R3HDM2: variants seen among roughly 807,000 people sequenced by gnomAD.
The protein encoded by R3HDM2 is R3H domain containing 2.
A neutral mutation model predicts 124.5 loss-of-function variants in R3HDM2; 38 were observed. That is an observed-to-expected ratio of 0.31 (90% CI 0.24 to 0.40). R3HDM2 has a LOEUF of 0.40. Among genes scored for constraint, R3HDM2 ranks in the 10% least tolerant of loss-of-function variants. The probability of loss-of-function intolerance (pLI) is 1.00; values close to 1 mark genes in which losing one functional copy is unlikely to be tolerated. For missense variants in R3HDM2, 869 were observed against 1,236.9 expected, an observed-to-expected ratio of 0.70 and a Z score of 4.46; for synonymous variants, 391 against 448.0, an observed-to-expected ratio of 0.87 and a Z score of 1.61.
intron 2 of R3HDM2, among the ~76,000 whole-genome samples, chr12:57,355,301 CA>C (rs918134837): frequency 1.3e-5 from 2 of 149,704 alleles, no homozygotes; most frequent in Non-Finnish European, 3.0e-5. Context: ...ACTAAAAATA[CA>C]AAAAAAATTA....
chr12:57,298,577 AT>A (rs2050394072), intron 6 of R3HDM2, among the ~76,000 whole-genome samples: 1 of 151,930 alleles, frequency 6.6e-6, no homozygotes, highest in Admixed American at 6.6e-5. Context: ...ATCAATTATC[AT>A]TTTTATGGAC....
At chr12:57,352,489 A>C (rs1362521145) in intron 2 of R3HDM2, among the ~76,000 whole-genome samples, 1 of 149,584 alleles carries the variant, frequency 6.7e-6, no homozygotes, top group African/African-American at 2.5e-5. Context: ...CACTAGGCAA[A>C]CGCTTTTTTT....
Position 57,348,725 on chromosome 12 carries a change from A to AAAAAAAAAAAAAG in R3HDM2, c.-35-38263_-35-38262insCTTTTTTTTTTTT, listed in dbSNP as rs2060337872. Among the ~76,000 whole-genome samples, 4 of 9,388 alleles carry AAAAAAAAAAAAAG rather than the reference A, an allele frequency of 4.3e-4. No individual in the cohort carries two copies. The Admixed American group carries it at 5.8e-3, about 14-fold the overall frequency. The allele number at this position is 9,388 out of a possible 152,430, so 6.2% of individuals were successfully genotyped here. On this transcript the variant is annotated intron_variant, in intron 2 of 23. Transcript: ENST00000402412. ...AAAAAAAAAAAAAAAAAAAAAAGAG[A>AAAAAAAAAAAAAG]GAGAAAAATTAGCCAGGCATGGTGG...
chr12:57,394,464 C>T (rs1164423203), intron 2 of R3HDM2, among the ~76,000 whole-genome samples: 2 of 152,002 alleles, frequency 1.3e-5, no homozygotes, highest in African/African-American at 4.8e-5. Flanking sequence ...TCCAGCTACT[C>T]GGGAGGCCAA....
intron 2 of R3HDM2, among the ~76,000 whole-genome samples, chr12:57,322,807 T>C (rs2056658712): frequency 6.6e-6 from 1 of 152,134 alleles, no homozygotes; most frequent in African/African-American, 2.4e-5. Flanking sequence ...GTTAAAGTCC[T>C]AGGTGTTCCA....
intron 2 of R3HDM2, among the ~76,000 whole-genome samples, chr12:57,331,978 T>C (rs1056458968): frequency 4.6e-5 from 7 of 151,726 alleles, no homozygotes; most frequent in African/African-American, 1.7e-4. Context: ...TAGTCCCAGA[T>C]ACTTGAAAGG....
chr12:57,414,924 C>T (rs1021721396), intron 1 of R3HDM2, among the ~76,000 whole-genome samples: 4 of 151,794 alleles, frequency 2.6e-5, no homozygotes, highest in African/African-American at 7.3e-5. Flanking sequence ...CTTAAAGAAA[C>T]AATTGATTCT....
chr12:57,258,852 C>A, intron 20 of R3HDM2, 38 bp downstream of exon 20: 2 of 1,459,718 alleles, frequency 1.4e-6, no homozygotes, highest in South Asian at 3.0e-5. Context: ...AGAATACGGT[C>A]ATCTCCTTGC....
chr12:57,384,187 A>T (rs2065333291), intron 2 of R3HDM2, among the ~76,000 whole-genome samples: 1 of 151,938 alleles, frequency 6.6e-6, no homozygotes, highest in African/African-American at 2.4e-5. Context: ...CTCTACTAAA[A>T]ATACAACAAC....
At chr12:57,348,253 G>C (rs1052796237) in intron 2 of R3HDM2, among the ~76,000 whole-genome samples, 1 of 151,800 alleles carries the variant, frequency 6.6e-6, no homozygotes, top group African/African-American at 2.4e-5. Context: ...GCGAGACCTC[G>C]TCTCCCTTGT....
Position 57,295,457 on chromosome 12 carries a change from A to C in R3HDM2, c.752T>G (p.Phe251Cys). Residue 251 changes from phenylalanine to cysteine, a missense_variant, in exon 10 of 24, where the codon TTT becomes TGT. By Grantham distance (205) the Phe-to-Cys change is radical. This residue lies in a region of R3HDM2 where 267 missense variants were observed against 447.7 expected (regional missense o/e 0.60). Transcript: ENST00000402412. ...TCTCTTGAGAATGAACCTCTGTTGA[A>C]ATTCTGTATTCTTCTCATCCTTTAT... ...EHIKDEKNTE[F>C]QQRFILKRDD... 1 of 1,551,914 alleles carries C rather than the reference A, an allele frequency of 6.4e-7. No individual in the cohort carries two copies. Among genetic ancestry groups the C allele is most frequent in the South Asian group, 1.2e-5 (1 of 84,066 alleles).
At chr12:57,393,405 T>C (rs2067026915) in intron 2 of R3HDM2, among the ~76,000 whole-genome samples, 1 of 152,148 alleles carries the variant, frequency 6.6e-6, no homozygotes. Context: ...ACCCAGCCTA[T>C]AGTACACTTG....
chr12:57,347,282 A>T (rs756761483), intron 2 of R3HDM2, among the ~76,000 whole-genome samples: 8 of 152,176 alleles, frequency 5.3e-5, no homozygotes, highest in Non-Finnish European at 8.8e-5. Flanking sequence ...CTACATGCAC[A>T]CATGTGTACA....
chr12:57,348,660 C>T (rs186060957), intron 2 of R3HDM2, among the ~76,000 whole-genome samples: 34 of 136,890 alleles, frequency 2.5e-4, no homozygotes, highest in African/African-American at 9.3e-4. Flanking sequence ...TGCCACTATA[C>T]TCTAGCCTGG....
chr12:57,355,772 G>T (rs1392719817), intron 2 of R3HDM2, among the ~76,000 whole-genome samples: 1 of 152,116 alleles, frequency 6.6e-6, no homozygotes, highest in Non-Finnish European at 1.5e-5. Flanking sequence ...TGATCCATAA[G>T]CAATGTTTTG....
At chr12:57,306,195 G>A (rs2052528931) in intron 3 of R3HDM2, among the ~76,000 whole-genome samples, 3 of 152,306 alleles carry the variant, frequency 2.0e-5, no homozygotes, top group Admixed American at 2.0e-4. Flanking sequence ...GGATGTCAGA[G>A]GTGATGGCTG....
chr12:57,290,491 A>C (rs767735461), intron 11 of R3HDM2, among the ~76,000 whole-genome samples: 4 of 152,236 alleles, frequency 2.6e-5, no homozygotes, highest in Non-Finnish European at 4.4e-5. Flanking sequence ...CTCTTTTATA[A>C]AATGGGGAAA....
intron 1 of R3HDM2, among the ~76,000 whole-genome samples, chr12:57,430,381 G>A (rs1173891164): frequency 6.6e-6 from 1 of 152,098 alleles, no homozygotes; most frequent in Non-Finnish European, 1.5e-5. Flanking sequence ...CACGCTCGAA[G>A]GAAAACCGCC....
intron 2 of R3HDM2, among the ~76,000 whole-genome samples, chr12:57,356,962 C>T (rs981364823): frequency 6.6e-6 from 1 of 151,838 alleles, no homozygotes; most frequent in Non-Finnish European, 1.5e-5. Flanking sequence ...AAAAATTAGA[C>T]AGGCGTGGTG....
Sources: allele counts gnomAD v4.1 joint callset (sites outside exome capture counted in the v4.1 genomes callset), GRCh38; gene constraint gnomAD v4.1.1; regional missense constraint gnomAD v4.1.1; transcripts MANE v1.5; gene names NCBI Gene and HGNC (gene_info 2026-07-23, HGNC 2026-07-21).